The following PTP4A1 variants were observed in gnomAD, a reference collection of about 807,000 sequenced individuals.
The protein encoded by PTP4A1 is protein tyrosine phosphatase 4A1, also known as protein tyrosine phosphatase type IVA 1.
Under a neutral mutation model 20.5 loss-of-function variants are expected in PTP4A1, and 9 were observed. The observed-to-expected ratio is 0.44, with a 90% confidence interval of 0.26 to 0.77. The LOEUF (loss-of-function observed/expected upper bound fraction) is 0.77. PTP4A1 is among the 30% of genes least tolerant of loss of function. PTP4A1 has a pLI of 0.19. For synonymous variants in PTP4A1, 78 were observed against 67.4 expected (o/e 1.16, Z -0.77); for missense variants, 137 against 218.8 (o/e 0.63, Z 2.36).
At chr6:63,548,977 G>A (rs1313210667) in intron 2 of PTP4A1, 15 of 740,692 alleles carry the variant, frequency 2.0e-5, no homozygotes, top group Non-Finnish European at 2.9e-5. Context: ...TAAGGGACCC[G>A]CATTTTATGA....
intron 1 of PTP4A1, among the ~76,000 whole-genome samples, chr6:63,525,854 T>C (rs1360659480): frequency 1.3e-5 from 2 of 152,222 alleles, no homozygotes; most frequent in Non-Finnish European, 2.9e-5. Context: ...TCTTTTTTCC[T>C]GACTAAACCC....
intron 1 of PTP4A1, among the ~76,000 whole-genome samples, chr6:63,572,992 A>C (rs938544173): frequency 2.0e-5 from 3 of 151,922 alleles, no homozygotes; most frequent in African/African-American, 7.3e-5. Context: ...GCCCGGAGCG[A>C]CGGGGGCGGC....
Position 63,580,047 on chromosome 6 carries a change from T to TG in PTP4A1, c.405-10_405-9insG. The TG allele has an allele frequency of 6.3e-7, 1 of 1,585,544 alleles. No individual in the cohort carries two copies. Among genetic ancestry groups the TG allele is most frequent in the Non-Finnish European group, 8.6e-7 (1 of 1,164,680 alleles). The stretch of plus-strand genomic sequence containing the variant: ...TGCCTTGTTTCATTTTTTTTTTTTT[T>TG]TCCTCCCAGAAAGCGGCGTGGAGCT... On this transcript the variant is annotated splice_polypyrimidine_tract_variant and intron_variant, in intron 5 of 5. Transcript: ENST00000626021.
At chr6:63,559,665 A>C (rs1399578935) in intron 3 of PTP4A1, among the ~76,000 whole-genome samples, 1 of 152,056 alleles carries the variant, frequency 6.6e-6, no homozygotes, top group Non-Finnish European at 1.5e-5. Context: ...GAATCACTGG[A>C]ACCCAGGAAG....
intron 2 of PTP4A1, among the ~76,000 whole-genome samples, chr6:63,540,795 G>A (rs542891538): frequency 4.0e-5 from 6 of 151,032 alleles, no homozygotes; most frequent in East Asian, 3.9e-4. Context: ...ATAGGACCCC[G>A]TCTCTACTAG....
At chr6:63,518,350 C>T (rs934687385), upstream of PTP4A1, among the ~76,000 whole-genome samples, 2 of 152,042 alleles carry the variant, frequency 1.3e-5, no homozygotes, top group East Asian at 3.8e-4. Context: ...AAACTAACAG[C>T]TTAGGTATCT....
chr6:63,572,998 G>A (rs375621310), intron 1 of PTP4A1, among the ~76,000 whole-genome samples: 2 of 152,136 alleles, frequency 1.3e-5, no homozygotes, highest in Admixed American at 6.5e-5. Context: ...AGCGACGGGG[G>A]CGGCGCGGTC....
chr6:63,557,975 C>T (rs148089073), intron 3 of PTP4A1, among the ~76,000 whole-genome samples: 7 of 151,912 alleles, frequency 4.6e-5, no homozygotes, highest in African/African-American at 1.7e-4. Flanking sequence ...CTGCAACCTC[C>T]GCCTCCTGGG....
At chr6:63,533,165 T>C (rs1335770622) in intron 2 of PTP4A1, among the ~76,000 whole-genome samples, 1 of 152,198 alleles carries the variant, frequency 6.6e-6, no homozygotes, top group East Asian at 1.9e-4. Context: ...GTGGGTCACT[T>C]GAGGTCACGA....
chr6:63,557,491 T>C (rs967831471), intron 3 of PTP4A1, among the ~76,000 whole-genome samples: 11 of 151,944 alleles, frequency 7.2e-5, no homozygotes, highest in South Asian at 2.1e-4. Context: ...TCCATATATA[T>C]ATATATGGAG....
chr6:63,546,621 G>C (rs763768441), intron 2 of PTP4A1, among the ~76,000 whole-genome samples: 1 of 152,040 alleles, frequency 6.6e-6, no homozygotes, highest in Non-Finnish European at 1.5e-5. Flanking sequence ...CAGAATAAAC[G>C]CTCAAACCAG....
At chr6:63,559,027 G>A (rs1375264347) in intron 3 of PTP4A1, among the ~76,000 whole-genome samples, 1 of 152,212 alleles carries the variant, frequency 6.6e-6, no homozygotes, top group Non-Finnish European at 1.5e-5. Flanking sequence ...TGGCTTGACT[G>A]TATGGAGGCG....
rs1778234419 is a variant in PTP4A1, at chr6:63,581,639, T to G, written c.*1465T>G. 6.6e-6 allele frequency: 1 copy of G among 152,168 alleles called. No individual in the cohort carries two copies. Among genetic ancestry groups the G allele is most frequent in the Admixed American group, 6.5e-5 (1 of 15,268 alleles). The allele number at this position is 152,168 out of a possible 1,614,324, so 9.4% of individuals were successfully genotyped here. On this transcript the variant is annotated 3_prime_UTR_variant, in exon 6 of 6. Transcript: ENST00000626021. The stretch of plus-strand genomic sequence containing the variant: ...ATGAAAACTTTAATACTAAAAGCAC[T>G]TTCCATTATATACTTTTTAAAGGTC...
At chr6:63,573,478 C>G (rs1197396125) in intron 1 of PTP4A1, 1 of 152,242 alleles carries the variant, frequency 6.6e-6, no homozygotes, top group African/African-American at 2.4e-5. Context: ...AGGCGCGGCG[C>G]GAACCCGTGA....
At chr6:63,541,621 CTT>C (rs1775976223) in intron 2 of PTP4A1, among the ~76,000 whole-genome samples, 2 of 152,182 alleles carry the variant, frequency 1.3e-5, no homozygotes, top group African/African-American at 4.8e-5. Flanking sequence ...TTTCCAACCT[CTT>C]TGCATTCATC....
chr6:63,545,864 GA>G (rs951950994), intron 2 of PTP4A1, among the ~76,000 whole-genome samples: 1 of 150,590 alleles, frequency 6.6e-6, no homozygotes, highest in African/African-American at 2.4e-5. Flanking sequence ...TAAGAAGAAA[GA>G]AAAAAAAGAA....
intron 3 of PTP4A1, among the ~76,000 whole-genome samples, chr6:63,557,867 C>T (rs1017796313): frequency 5.3e-5 from 8 of 151,640 alleles, no homozygotes; most frequent in Admixed American, 6.6e-5. Flanking sequence ...ATCAGATATG[C>T]ATTTTTTAAA....
At position 63,540,469 on chromosome 6, in the gene PTP4A1, A is replaced by G. The variant is rs146025941; in HGVS notation, c.-639-9831A>G. ...AACCCCGTCTCTACTGAAAGTACAA[A>G]AATTAGCCGGGTGTGGTGGTGCATG... On this transcript the variant is annotated intron_variant, in intron 2 of 3. Transcript: ENST00000639568. Among the ~76,000 whole-genome samples the G allele has an allele frequency of 3.2e-4, 49 of 151,782 alleles. No individual in the cohort carries two copies. In the East Asian group the frequency reaches 9.6e-3, roughly 30 times the overall value.
chr6:63,547,569 G>A (rs1469270674), intron 2 of PTP4A1, among the ~76,000 whole-genome samples: 10 of 136,998 alleles, frequency 7.3e-5, no homozygotes, highest in Non-Finnish European at 1.4e-4. Context: ...GCAGTGGTAC[G>A]ATCTTGGCTC....
Sources: allele counts gnomAD v4.1 joint callset (sites outside exome capture counted in the v4.1 genomes callset), GRCh38; gene constraint gnomAD v4.1.1; transcripts MANE v1.5; gene names NCBI Gene and HGNC (gene_info 2026-07-23, HGNC 2026-07-21).